The following EBF1 variants were observed in gnomAD, a reference collection of about 807,000 sequenced individuals.
EBF1 encodes EBF transcription factor 1.
In EBF1, 10 loss-of-function variants were observed where a neutral mutation model predicts 68.4. The ratio of observed to expected loss-of-function variants is 0.15; its 90% CI spans 0.09 to 0.25. EBF1 has a LOEUF of 0.25. Ranked by LOEUF, EBF1 falls within the 10% of genes least tolerant of loss-of-function variation. The pLI is 1.00. For synonymous variants in EBF1, 298 were observed against 299.8 expected, an observed-to-expected ratio of 0.99 and a Z score of 0.06; for missense variants, 509 against 794.4, an observed-to-expected ratio of 0.64 and a Z score of 4.32.
intron 10 of EBF1, among the ~76,000 whole-genome samples, chr5:158,736,388 C>G (rs1468494347): frequency 6.6e-6 from 1 of 152,156 alleles, no homozygotes; most frequent in East Asian, 1.9e-4. Context: ...GAATTCCCTG[C>G]TTTTATAGCT....
chr5:158,844,366 C>T (rs1582475275), intron 6 of EBF1, among the ~76,000 whole-genome samples: 1 of 152,052 alleles, frequency 6.6e-6, no homozygotes, highest in Admixed American at 6.5e-5. Context: ...ATTAGGTGCA[C>T]CAGGAATTAT....
chr5:158,839,882 C>G (rs1332126214), intron 7 of EBF1, 147 bp downstream of exon 7: 2 of 695,578 alleles, frequency 2.9e-6, no homozygotes, highest in Non-Finnish European at 5.1e-6. Context: ...TAAACAACTG[C>G]TAGATTGCAG....
chr5:158,939,545 AG>A lies in EBF1; in HGVS notation c.555-99436del, dbSNP rs925154205. On this transcript the variant is annotated intron_variant, in intron 6 of 15. Transcript: ENST00000313708. ...TGGATTTAATTGAAATTTAGTTAAA[AG>A]GGAAGCTATTTGGTATCTTGAATGT... Among the ~76,000 whole-genome samples, 60 of 152,220 alleles carry A rather than the reference AG, an allele frequency of 3.9e-4. 1 individual carries two copies. The highest frequency in any genetic ancestry group is 1.3e-4 in the Non-Finnish European group (9 of 68,036).
At chr5:159,039,619 A>G (rs2127770735) in intron 6 of EBF1, among the ~76,000 whole-genome samples, 1 of 152,362 alleles carries the variant, frequency 6.6e-6, no homozygotes, top group South Asian at 2.1e-4. Flanking sequence ...GCTATTAAAT[A>G]ACTTTTTTAT....
At chr5:158,731,731 C>T (rs561477020) in intron 10 of EBF1, among the ~76,000 whole-genome samples, 7 of 152,236 alleles carry the variant, frequency 4.6e-5, no homozygotes, top group South Asian at 4.2e-4. Context: ...ATTGAAAATG[C>T]CCTGATTCAA....
chr5:158,961,559 A>C (rs1441753808), intron 6 of EBF1, among the ~76,000 whole-genome samples: 1 of 152,214 alleles, frequency 6.6e-6, no homozygotes, highest in African/African-American at 2.4e-5. Flanking sequence ...TTGTAAATAC[A>C]CAGTTCTGAT....
intron 10 of EBF1, among the ~76,000 whole-genome samples, chr5:158,749,054 A>G (rs1318183965): frequency 1.3e-5 from 2 of 152,154 alleles, no homozygotes; most frequent in African/African-American, 4.8e-5. Context: ...CAGCATGGCA[A>G]TTCCCTGTGG....
intron 6 of EBF1, among the ~76,000 whole-genome samples, chr5:158,855,395 G>C (rs1184523005): frequency 6.6e-6 from 1 of 152,240 alleles, no homozygotes; most frequent in East Asian, 1.9e-4. Flanking sequence ...GAAGCTCCAA[G>C]AAATCAGGTG....
At chr5:159,055,300 A>G (rs1038665007) in intron 6 of EBF1, among the ~76,000 whole-genome samples, 1 of 152,220 alleles carries the variant, frequency 6.6e-6, no homozygotes, top group Non-Finnish European at 1.5e-5. Context: ...GAGAGAGGTA[A>G]CCTTAAAGAT....
chr5:158,725,768 C>T (rs997749), intron 11 of EBF1, among the ~76,000 whole-genome samples: 94 of 152,254 alleles, frequency 6.2e-4, no homozygotes, highest in African/African-American at 1.6e-3. Context: ...TGAGAGATTC[C>T]GGTGTGCTCT....
At chr5:158,848,704 G>T (rs1040982396) in intron 6 of EBF1, among the ~76,000 whole-genome samples, 2 of 152,216 alleles carry the variant, frequency 1.3e-5, no homozygotes, top group African/African-American at 2.4e-5. Context: ...GGTTGAAAAT[G>T]AAAGGCTGTT....
intron 10 of EBF1, among the ~76,000 whole-genome samples, chr5:158,762,002 G>C (rs1413101187): frequency 6.6e-6 from 1 of 152,142 alleles, no homozygotes; most frequent in African/African-American, 2.4e-5. Context: ...AAGTAGTATA[G>C]AATAAAATGG....
chr5:159,013,937 A>C (rs995037427), intron 6 of EBF1, among the ~76,000 whole-genome samples: 1 of 152,200 alleles, frequency 6.6e-6, no homozygotes, highest in African/African-American at 2.4e-5. Flanking sequence ...GGTAACCTGG[A>C]TAGATATAAA....
chr5:159,096,609 AT>A, intron 2 of EBF1: 1 of 643,754 alleles, frequency 1.6e-6, no homozygotes, highest in Non-Finnish European at 2.7e-6. Flanking sequence ...CCAAAAGAAA[AT>A]TCCGTCGGGC....
intron 10 of EBF1, among the ~76,000 whole-genome samples, chr5:158,744,576 C>T (rs1327421549): frequency 1.3e-5 from 2 of 152,088 alleles, no homozygotes; most frequent in Admixed American, 6.5e-5. Context: ...TGCTTTAATC[C>T]TAAAGTTCTG....
In EBF1 at chr5:158,840,645, G is replaced by GTTTTTTT. The variant is rs534374216; in HGVS notation, c.555-542_555-536dup. On this transcript the variant is annotated intron_variant, in intron 6 of 15. Coordinates refer to ENST00000313708, the MANE Select transcript of EBF1 (RefSeq NM_024007.5). ...TCCTTTGACTTCTCAAATACCTCCT[G>GTTTTTTT]TTTTTTTTTTTTTTTTTTTTTTTTT... is the stretch of plus-strand genomic sequence containing the variant. Among the ~76,000 whole-genome samples, 121 of 64,814 alleles carry GTTTTTTT rather than the reference G, an allele frequency of 1.9e-3. 25 individuals are homozygous for GTTTTTTT. The highest frequency in any genetic ancestry group is 2.5e-3 in the Admixed American group (10 of 3,928). 42.5% of individuals were successfully genotyped at this position (64,814 alleles called of 152,430 possible). A position where few individuals can be genotyped will look rare whatever the true frequency, so the allele number is the denominator to read the frequency against.
intron 6 of EBF1, among the ~76,000 whole-genome samples, chr5:158,990,032 T>C (rs1193093499): frequency 2.6e-5 from 4 of 151,744 alleles, no homozygotes; most frequent in East Asian, 1.9e-4. Flanking sequence ...AGAGAAACCA[T>C]TGGAGGGGGT....
intron 6 of EBF1, among the ~76,000 whole-genome samples, chr5:158,895,329 C>G (rs1488614176): frequency 6.6e-6 from 1 of 152,174 alleles, no homozygotes; most frequent in Non-Finnish European, 1.5e-5. Flanking sequence ...GAATTTGAAG[C>G]CAGCCTGGCA....
At position 158,881,018 on chromosome 5, in the gene EBF1, G is replaced by GA. The variant is rs948193077; in HGVS notation, c.555-40909dup. 2.2e-3 allele frequency among the ~76,000 whole-genome samples: 335 copies of GA among 150,336 alleles called. 1 individual carries two copies. The highest frequency in any genetic ancestry group is 6.8e-3 in the Middle Eastern group (2 of 292). ...CAGACTGCAAAGAAGAAGAAGAGGGGAAAAAAAAACACAGTAAAGAGAGGA... is the reference window on the plus strand; with the variant it reads ...CAGACTGCAAAGAAGAAGAAGAGGGGAAAAAAAAAACACAGTAAAGAGAGGA... On this transcript the variant is annotated intron_variant, in intron 6 of 15. Transcript: ENST00000313708.
Sources: allele counts gnomAD v4.1 joint callset (sites outside exome capture counted in the v4.1 genomes callset), GRCh38; gene constraint gnomAD v4.1.1; transcripts MANE v1.5; gene names NCBI Gene and HGNC (gene_info 2026-07-23, HGNC 2026-07-21).